Variants in SRBD1 observed in about 807,000 individuals in gnomAD.
SRBD1 encodes S1 RNA binding domain 1.
A neutral mutation model predicts 115.3 loss-of-function variants in SRBD1; 88 were observed. The observed-to-expected ratio is 0.76, with a 90% confidence interval of 0.64 to 0.91. The LOEUF is 0.91. Among genes scored for constraint, SRBD1 ranks in the 40% least tolerant of loss-of-function variants. The pLI is 0.00. For synonymous variants in SRBD1, 509 were observed against 407.7 expected, an observed-to-expected ratio of 1.25 and a Z score of -2.99; for missense variants, 1,385 against 1,177.4, an observed-to-expected ratio of 1.18 and a Z score of -2.58.
intron 2 of SRBD1, among the ~76,000 whole-genome samples, chr2:45,604,975 C>A (rs1200732130): frequency 6.6e-6 from 1 of 152,134 alleles, no homozygotes; most frequent in Non-Finnish European, 1.5e-5. Flanking sequence ...TGGGTAGAGG[C>A]CAAGGATGCT....
intron 18 of SRBD1, among the ~76,000 whole-genome samples, chr2:45,414,512 CACAT>C (rs774999137): frequency 4.7e-5 from 7 of 149,994 alleles, no homozygotes; most frequent in Admixed American, 6.7e-5. Context: ...TGTGTGTACA[CACAT>C]AGTGTGTATA....
At chr2:45,515,370 C>A (rs1019567345) in intron 14 of SRBD1, among the ~76,000 whole-genome samples, 5 of 152,150 alleles carry the variant, frequency 3.3e-5, no homozygotes, top group African/African-American at 9.7e-5. Flanking sequence ...GAGCTGGGAT[C>A]TAAGCACAGA....
intron 5 of SRBD1, 54 bp from the exon 6 acceptor site, chr2:45,581,864 T>A: frequency 1.4e-6 from 2 of 1,404,876 alleles, no homozygotes. Context: ...AACTTTCTTT[T>A]CAAAGCTACC....
At chr2:45,520,543 G>A (rs1027761194) in intron 14 of SRBD1, among the ~76,000 whole-genome samples, 8 of 152,220 alleles carry the variant, frequency 5.3e-5, no homozygotes, top group Non-Finnish European at 1.2e-4. Flanking sequence ...GTGAGATACA[G>A]GCATTCTTGT....
At chr2:45,469,199 T>G (rs536287966) in intron 16 of SRBD1, among the ~76,000 whole-genome samples, 1 of 152,316 alleles carries the variant, frequency 6.6e-6, no homozygotes, top group East Asian at 1.9e-4. Flanking sequence ...TTTTAGATTC[T>G]AATGCAGTAG....
intron 16 of SRBD1, among the ~76,000 whole-genome samples, chr2:45,421,882 A>G (rs933187606): frequency 6.6e-6 from 1 of 152,150 alleles, no homozygotes; most frequent in Non-Finnish European, 1.5e-5. Flanking sequence ...ATGTCATTTT[A>G]AAAATCTAAT....
At chr2:45,581,345 T>A (rs1286836830) in intron 6 of SRBD1, among the ~76,000 whole-genome samples, 3 of 152,184 alleles carry the variant, frequency 2.0e-5, no homozygotes, top group African/African-American at 7.2e-5. Flanking sequence ...AGTTCTTCCA[T>A]TCTCATGGTT....
At chr2:45,444,975 A>AT (rs1278005154) in intron 16 of SRBD1, among the ~76,000 whole-genome samples, 1 of 152,208 alleles carries the variant, frequency 6.6e-6, no homozygotes, top group Admixed American at 6.5e-5. Flanking sequence ...AGAGGGCAAA[A>AT]TAACATTGTC....
chr2:45,564,274 T>C (rs1672758260), intron 9 of SRBD1, among the ~76,000 whole-genome samples: 1 of 151,988 alleles, frequency 6.6e-6, no homozygotes, highest in African/African-American at 2.4e-5. Flanking sequence ...TCAAAAAACT[T>C]GGAAATATAA....
intron 4 of SRBD1, among the ~76,000 whole-genome samples, chr2:45,597,932 T>C (rs1311275477): frequency 6.6e-6 from 1 of 152,258 alleles, no homozygotes; most frequent in East Asian, 1.9e-4. Context: ...CTTCACAGTC[T>C]AAAACTTCTT....
chr2:45,567,383 G>C (rs1054533446), intron 9 of SRBD1, among the ~76,000 whole-genome samples: 1 of 152,154 alleles, frequency 6.6e-6, no homozygotes, highest in Non-Finnish European at 1.5e-5. Context: ...GCCAAAGCAG[G>C]AGGACTGGTT....
intron 5 of SRBD1, among the ~76,000 whole-genome samples, chr2:45,584,828 C>T (rs1673467724): frequency 6.6e-6 from 1 of 152,102 alleles, no homozygotes; most frequent in African/African-American, 2.4e-5. Flanking sequence ...TTACAATCCA[C>T]TATTGTTAAA....
At position 45,546,758 on chromosome 2, in the gene SRBD1, A is replaced by G. The variant is rs779503529; in HGVS notation, c.1848T>C (p.Tyr616=). The G allele has an allele frequency of 6.2e-7, 1 of 1,614,118 alleles. No homozygotes were observed. Among genetic ancestry groups the G allele is most frequent in the Non-Finnish European group, 8.5e-7 (1 of 1,179,984 alleles). Residue 616 remains tyrosine, a synonymous_variant, in exon 14 of 21, where the codon TAT becomes TAC. Transcript: ENST00000263736. The part of the protein sequence containing the change: ...AYFADLIMKN[Y]FAPLDVVYCI... ...AGTAAACAACATCCAGTGGTGCAAAATAATTCTTCATTATCAGGTCAGCAA... is the reference window on the plus strand; with the variant it reads ...AGTAAACAACATCCAGTGGTGCAAAGTAATTCTTCATTATCAGGTCAGCAA...
intron 7 of SRBD1, among the ~76,000 whole-genome samples, chr2:45,577,132 T>C (rs954740157): frequency 8.5e-5 from 13 of 152,238 alleles, no homozygotes; most frequent in Admixed American, 8.5e-4. Context: ...CTTGAGCTAC[T>C]TCTAGAGCAG....
intron 10 of SRBD1, among the ~76,000 whole-genome samples, chr2:45,555,298 T>C (rs2104072946): frequency 6.6e-6 from 1 of 152,214 alleles, no homozygotes; most frequent in East Asian, 1.9e-4. Flanking sequence ...AGCAGGAGGA[T>C]CACTTGAGCC....
chr2:45,528,657 A>G (rs535513106), intron 14 of SRBD1, among the ~76,000 whole-genome samples: 5 of 151,966 alleles, frequency 3.3e-5, no homozygotes, highest in East Asian at 1.9e-4. Flanking sequence ...AACCCACAAG[A>G]TGCAAAAGAT....
chr2:45,436,404 C>A (rs998635253), intron 16 of SRBD1, among the ~76,000 whole-genome samples: 1 of 152,152 alleles, frequency 6.6e-6, no homozygotes, highest in African/African-American at 2.4e-5. Context: ...GAAGTACCAC[C>A]TAATGCAGTA....
intron 16 of SRBD1, among the ~76,000 whole-genome samples, chr2:45,424,717 G>A (rs1668101851): frequency 6.6e-6 from 1 of 152,114 alleles, no homozygotes. Context: ...TCGTCATGAC[G>A]AAGTAAAATG....
chr2:45,497,719 T>C (rs921515819), intron 14 of SRBD1, among the ~76,000 whole-genome samples: 2 of 145,438 alleles, frequency 1.4e-5, no homozygotes, highest in Middle Eastern at 3.5e-3. Flanking sequence ...TCACCAAAAT[T>C]CAATTTCATA....
Sources: gnomAD v4.1 joint callset for allele counts (sites outside exome capture counted in the v4.1 genomes callset) on GRCh38, gnomAD v4.1.1 for gene constraint, MANE v1.5 for transcripts, NCBI Gene and HGNC (gene_info 2026-07-23, HGNC 2026-07-21) for gene names.